Variants in KLF12 observed in about 807,000 individuals in gnomAD.
KLF12 encodes KLF transcription factor 12.
Under a neutral mutation model 37.8 loss-of-function variants are expected in KLF12, and 9 were observed. The ratio of observed to expected loss-of-function variants is 0.24; its 90% CI spans 0.14 to 0.42. The LOEUF is 0.42. Among genes scored for constraint, KLF12 ranks in the 10% least tolerant of loss-of-function variants. KLF12 has a pLI of 1.00. For missense variants in KLF12, 411 were observed against 516.0 expected (o/e 0.80, Z 1.97); for synonymous variants, 208 against 202.1 (o/e 1.03, Z -0.25).
chr13:73,971,286 C>A (rs992940213), intron 2 of KLF12, among the ~76,000 whole-genome samples: 3 of 151,950 alleles, frequency 2.0e-5, no homozygotes, highest in Non-Finnish European at 4.4e-5. Context: ...ATGGTTTGGG[C>A]GACAATCATA....
Position 73,883,722 on chromosome 13 carries a change from T to G in KLF12, c.124-37349A>C, listed in dbSNP as rs138170451. On this transcript the variant is annotated intron_variant, in intron 3 of 7. Coordinates refer to ENST00000377669, the MANE Select transcript of KLF12 (RefSeq NM_007249.5). ...GTGTGACAAACAGGCATGTACATAG[T>G]TTAACTGTAAAGAACAACATGACAA... is the stretch of plus-strand genomic sequence containing the variant. 8.6e-3 allele frequency among the ~76,000 whole-genome samples: 1,303 copies of G among 152,290 alleles called. 19 individuals carry two copies. The highest frequency in any genetic ancestry group is 0.03 in the African/African-American group (1,228 of 41,552).
intron 3 of KLF12, among the ~76,000 whole-genome samples, chr13:73,873,176 A>T (rs987055620): frequency 6.6e-6 from 1 of 152,074 alleles, no homozygotes; most frequent in African/African-American, 2.4e-5. Flanking sequence ...CTATTTGACC[A>T]GTTTTGCTCT....
At chr13:74,097,697 C>CATATAT (rs58038474) in intron 1 of KLF12, among the ~76,000 whole-genome samples, 54 of 150,150 alleles carry the variant, frequency 3.6e-4, no homozygotes, top group Middle Eastern at 3.4e-3. Flanking sequence ...ATTTTATATA[C>CATATAT]ATATATATAT....
intron 1 of KLF12, among the ~76,000 whole-genome samples, chr13:74,119,531 G>A (rs1443184335): frequency 2.0e-5 from 3 of 152,194 alleles, no homozygotes; most frequent in Non-Finnish European, 2.9e-5. Flanking sequence ...AAGCAAAGGG[G>A]TCATAAAAAA....
rs574592329 is a variant in KLF12 at position 73,830,306 on chromosome 13, G to A, written c.670+15521C>T. Among the ~76,000 whole-genome samples the A allele has an allele frequency of 1.3e-4, 20 of 152,116 alleles. No individual in the cohort carries two copies. The Middle Eastern group carries it at 0.01, about 78-fold the overall frequency. On this transcript the variant is annotated intron_variant, in intron 4 of 7. Transcript: ENST00000377669. ...ACATATCATGATACCAACACATTTT[G>A]GACAGCAGGCAAGATCTTTCACTCT...
chr13:74,232,938 T>G, the KLF12 span, among the ~76,000 whole-genome samples: 1 of 152,204 alleles, frequency 6.6e-6, no homozygotes, highest in South Asian at 2.1e-4. Flanking sequence ...CAGGCTGGAG[T>G]GCAGTGGCGT....
At position 73,773,267 on chromosome 13, in the gene KLF12, T is replaced by C. The variant is rs569954891; in HGVS notation, c.807-8267A>G. On this transcript the variant is annotated intron_variant, in intron 5 of 7. Transcript: ENST00000377669. ...CCCAGAGAACAGGACATCTTCTCGA[T>C]TGACTTTAAACCTCTCTTCCCACTC... Among the ~76,000 whole-genome samples, 246 of 152,130 alleles carry C rather than the reference T, an allele frequency of 1.6e-3. 4 individuals are homozygous for C. The South Asian group carries it at 0.027, about 16-fold the overall frequency.
chr13:73,917,649 A>G (rs895824488), intron 3 of KLF12, among the ~76,000 whole-genome samples: 1 of 152,250 alleles, frequency 6.6e-6, no homozygotes, highest in African/African-American at 2.4e-5. Context: ...AGTTAACCTC[A>G]TAAGTTTGTC....
intron 3 of KLF12, among the ~76,000 whole-genome samples, chr13:73,883,437 C>A (rs1369813478): frequency 2.6e-5 from 4 of 152,090 alleles, no homozygotes; most frequent in African/African-American, 4.8e-5. Flanking sequence ...ATCAAGGTAG[C>A]ACGTGGTTAG....
At chr13:74,141,682 G>GA in the KLF12 span, among the ~76,000 whole-genome samples, 1 of 151,552 alleles carries the variant, frequency 6.6e-6, no homozygotes, top group Non-Finnish European at 1.5e-5. Flanking sequence ...ATAGTAGGAA[G>GA]AAAAAAAAGG....
At chr13:74,272,344 C>G in the KLF12 span, among the ~76,000 whole-genome samples, 1 of 152,156 alleles carries the variant, frequency 6.6e-6, no homozygotes, top group Non-Finnish European at 1.5e-5. Flanking sequence ...TAGTCACTTT[C>G]TTGGACTGTC....
chr13:73,963,853 C>T (rs745768631), intron 2 of KLF12, among the ~76,000 whole-genome samples: 1 of 152,168 alleles, frequency 6.6e-6, no homozygotes, highest in East Asian at 1.9e-4. Context: ...AAATCATGTA[C>T]AGCTTGGATG....
chr13:74,218,253 A>G, the KLF12 span, among the ~76,000 whole-genome samples: 1 of 152,178 alleles, frequency 6.6e-6, no homozygotes, highest in Non-Finnish European at 1.5e-5. Flanking sequence ...TTATTATTAG[A>G]ATGAAAATAG....
intron 5 of KLF12, among the ~76,000 whole-genome samples, chr13:73,805,114 GACA>G (rs1053516432): frequency 9.2e-5 from 14 of 152,050 alleles, no homozygotes; most frequent in African/African-American, 3.1e-4. Flanking sequence ...TTAACTCTCA[GACA>G]ACTTTTTCCC....
chr13:73,810,601 C>T (rs1242973457), intron 5 of KLF12, among the ~76,000 whole-genome samples: 2 of 151,276 alleles, frequency 1.3e-5, no homozygotes, highest in African/African-American at 4.9e-5. Context: ...CACTACAGTT[C>T]CAAACTTTAA....
At chr13:74,106,449 C>A (rs1160995108) in intron 1 of KLF12, among the ~76,000 whole-genome samples, 3 of 152,150 alleles carry the variant, frequency 2.0e-5, no homozygotes, top group African/African-American at 4.8e-5. Flanking sequence ...ATCTGGGGAA[C>A]TTTGTAACTG....
chr13:74,187,771 C>A, the KLF12 span, among the ~76,000 whole-genome samples: 1 of 152,142 alleles, frequency 6.6e-6, no homozygotes, highest in Admixed American at 6.5e-5. Flanking sequence ...TGGCATTTGA[C>A]AGTGATGTGC....
At chr13:74,220,842 GA>G in the KLF12 span, among the ~76,000 whole-genome samples, 3 of 152,054 alleles carry the variant, frequency 2.0e-5, no homozygotes, top group East Asian at 5.8e-4. Context: ...CAAATGACAG[GA>G]TTTTCTTCTT....
At chr13:74,119,361 CA>C (rs1877491504) in intron 1 of KLF12, among the ~76,000 whole-genome samples, 1 of 147,670 alleles carries the variant, frequency 6.8e-6, no homozygotes, top group Non-Finnish European at 1.5e-5. Flanking sequence ...GACAGAAAAA[CA>C]AAGCAAGAAA....
Sources: gnomAD v4.1 joint callset for allele counts (sites outside exome capture counted in the v4.1 genomes callset) on GRCh38, gnomAD v4.1.1 for gene constraint, MANE v1.5 for transcripts, NCBI Gene and HGNC (gene_info 2026-07-23, HGNC 2026-07-21) for gene names.